GUCY2C: variants seen among roughly 807,000 people sequenced by gnomAD.
GUCY2C encodes guanylate cyclase 2C.
In GUCY2C, 118 loss-of-function variants were observed where a neutral mutation model predicts 131.1. That is an observed-to-expected ratio of 0.90 (90% confidence interval 0.78 to 1.05). GUCY2C has a LOEUF of 1.05. GUCY2C is among the 50% of genes least tolerant of loss of function. The pLI is 0.00. For missense variants in GUCY2C, 1,161 were observed against 1,304.4 expected, an observed-to-expected ratio of 0.89 and a Z score of 1.69; for synonymous variants, 452 against 457.8, an observed-to-expected ratio of 0.99 and a Z score of 0.16.
At position 14,613,938 on chromosome 12, in the gene GUCY2C, A is replaced by G. The variant is rs559472716; in HGVS notation, c.3048-647T>C. ...TTGAGTCACCTTTAGGAGAAGTGAAACCTGTCAGTTAACCCTGAAACTTTG... is the reference window on the plus strand; with the variant it reads ...TTGAGTCACCTTTAGGAGAAGTGAAGCCTGTCAGTTAACCCTGAAACTTTG... On this transcript the variant is annotated intron_variant, in intron 26 of 26. Transcript: ENST00000261170. This position sits in a 1 kb window ranked among gnomAD's most constrained non-coding sequence, Gnocchi z 4.9. Among the ~76,000 whole-genome samples the G allele has an allele frequency of 1.3e-5, 2 of 152,134 alleles. No individual in the cohort carries two copies. Among genetic ancestry groups the G allele is most frequent in the Admixed American group, 6.5e-5 (1 of 15,268 alleles).
intron 11 of GUCY2C, among the ~76,000 whole-genome samples, chr12:14,658,296 T>A (rs1371800825): frequency 6.6e-6 from 1 of 152,236 alleles, no homozygotes; most frequent in East Asian, 1.9e-4. Flanking sequence ...AGTTTTGATT[T>A]TATTATCGTC....
At chr12:14,684,249 C>G (rs1948412866) in intron 3 of GUCY2C, among the ~76,000 whole-genome samples, 1 of 152,142 alleles carries the variant, frequency 6.6e-6, no homozygotes, top group Admixed American at 6.5e-5. Context: ...AGTCTTATCT[C>G]TATTATTCCC....
At chr12:14,675,378 A>C (rs897388951) in intron 7 of GUCY2C, among the ~76,000 whole-genome samples, 3 of 152,158 alleles carry the variant, frequency 2.0e-5, no homozygotes, top group Non-Finnish European at 2.9e-5. Context: ...TGAAAAACAT[A>C]CAAATGCAAC....
In GUCY2C at chr12:14,645,256, C is replaced by G. The variant is rs747677225; in HGVS notation, c.1770G>C (p.Lys590Asn). 3 of 1,589,902 alleles carry G rather than the reference C, an allele frequency of 1.9e-6. No individual in the cohort carries two copies. ...TAGCAATGTCATACAAGACAGAGAT[C>G]TTAAACTCCCAATCCATGAATGTGC... Reference protein sequence around the residue: ...PDGTFMDWEFKISVLYDIAKG... With the variant: ...PDGTFMDWEFNISVLYDIAKG... Residue 590 changes from lysine to asparagine, a missense_variant, in exon 16 of 27, where the codon AAG (lysine) becomes AAC (asparagine). By Grantham distance (94) the Lys-to-Asn change is moderately conservative. Coordinates refer to ENST00000261170, the MANE Select transcript of GUCY2C (RefSeq NM_004963.4).
rs575699092 is a variant in GUCY2C, at chr12:14,631,672, A to T, written c.2158-2935T>A. On this transcript the variant is annotated intron_variant, in intron 19 of 26. Coordinates refer to ENST00000261170, the MANE Select transcript of GUCY2C (RefSeq NM_004963.4). ...TGGTTCCAAGTCTTTGCTATTGTGA[A>T]TAGTGCCGCAATAAACATACGTGTG... Among the ~76,000 whole-genome samples the T allele has an allele frequency of 4.5e-3, 667 of 146,654 alleles. 6 individuals are homozygous for T. The highest frequency in any genetic ancestry group is 0.016 in the African/African-American group (631 of 39,914).
rs530015493 is a variant in GUCY2C, at chr12:14,614,603, A to G, written c.3047+264T>C. The G allele has an allele frequency of 1.5e-3, 600 of 400,426 alleles. 5 individuals carry two copies. Among genetic ancestry groups the G allele is most frequent in the African/African-American group, 0.011 (536 of 46,946 alleles). The allele number at this position is 400,426 out of a possible 1,614,324, so 24.8% of individuals were successfully genotyped here. Reference sequence around the variant, plus strand: ...TATACTGAGCCCCCACATCTGATTCAGGGAAGCAAGTCTGTGTTCCAGACA... The same window carrying G: ...TATACTGAGCCCCCACATCTGATTCGGGGAAGCAAGTCTGTGTTCCAGACA... On this transcript the variant is annotated intron_variant, in intron 26 of 26. Transcript: ENST00000261170.
chr12:14,674,490 T>G (rs745864212), intron 8 of GUCY2C, 135 bp downstream of exon 8: 4 of 825,250 alleles, frequency 4.8e-6, no homozygotes. Context: ...TATGTAATGA[T>G]GTTTGCATCC....
intron 17 of GUCY2C, among the ~76,000 whole-genome samples, chr12:14,641,797 C>T (rs966195739): frequency 9.2e-5 from 14 of 151,942 alleles, no homozygotes; most frequent in South Asian, 4.2e-4. Flanking sequence ...ATTAGCCAGG[C>T]GTGGTGGTGG....
intron 1 of GUCY2C, among the ~76,000 whole-genome samples, chr12:14,691,663 GA>G (rs1948576409): frequency 6.6e-6 from 1 of 152,108 alleles, no homozygotes; most frequent in Non-Finnish European, 1.5e-5. Flanking sequence ...GAGGGACAGT[GA>G]AAATGACACT....
chr12:14,647,460 C>T (rs933654749), intron 15 of GUCY2C, among the ~76,000 whole-genome samples: 4 of 152,072 alleles, frequency 2.6e-5, no homozygotes, highest in African/African-American at 9.7e-5. Flanking sequence ...GTCGGTAAAT[C>T]GGCTCTCTGT....
chr12:14,614,861 G>A lies in GUCY2C; in HGVS notation c.3047+6C>T, dbSNP rs374138381. On this transcript the variant is annotated splice_donor_region_variant and intron_variant, in intron 26 of 26. Transcript: ENST00000261170. The stretch of plus-strand genomic sequence containing the variant: ...CTCCCTGTCCCTGCCACACCCAGAA[G>A]CTTACACAGTAGGAGGGGTTGGCAG... The A allele has an allele frequency of 1.3e-6, 2 of 1,562,202 alleles. No homozygotes were observed. The highest frequency in any genetic ancestry group is 1.4e-5 in the African/African-American group (1 of 72,414).
intron 19 of GUCY2C, among the ~76,000 whole-genome samples, chr12:14,630,880 T>A (rs1403366147): frequency 6.6e-6 from 1 of 152,274 alleles, no homozygotes; most frequent in Non-Finnish European, 1.5e-5. Flanking sequence ...TTTTAGTGAA[T>A]AAGGTTTTAA....
At chr12:14,633,413 A>G (rs986747776) in intron 19 of GUCY2C, among the ~76,000 whole-genome samples, 1 of 152,196 alleles carries the variant, frequency 6.6e-6, no homozygotes, top group Non-Finnish European at 1.5e-5. Flanking sequence ...TCAGGAAAAA[A>G]GTCCTCCCCT....
intron 17 of GUCY2C, among the ~76,000 whole-genome samples, chr12:14,641,962 G>C (rs1044515808): frequency 6.6e-6 from 1 of 151,666 alleles, no homozygotes; most frequent in African/African-American, 2.4e-5. Context: ...AATTTTATGT[G>C]TACTAAATTT....
intron 6 of GUCY2C, among the ~76,000 whole-genome samples, chr12:14,677,344 A>G (rs1948255977): frequency 6.6e-6 from 1 of 152,190 alleles, no homozygotes; most frequent in Non-Finnish European, 1.5e-5. Flanking sequence ...GACATGGTAG[A>G]GAGAAATTTT....
chr12:14,624,095 A>T (rs1274758832), intron 21 of GUCY2C, among the ~76,000 whole-genome samples: 2 of 152,186 alleles, frequency 1.3e-5, no homozygotes, highest in African/African-American at 4.8e-5. Flanking sequence ...GTTGTTGCTG[A>T]CATAGATAAA....
intron 21 of GUCY2C, among the ~76,000 whole-genome samples, chr12:14,623,277 G>A (rs1050484344): frequency 2.0e-5 from 3 of 152,148 alleles, no homozygotes; most frequent in African/African-American, 7.2e-5. Flanking sequence ...GGGAAGATTT[G>A]GAGGTATGCT....
At position 14,683,118 on chromosome 12, in the gene GUCY2C, C is replaced by T. The variant is rs192356391; in HGVS notation, c.535G>A (p.Asp179Asn). The change falls in exon 4 of 27, where the codon GAT becomes AAT. Residue 179 changes from aspartate to asparagine, a missense_variant. Asp to Asn is a conservative substitution (Grantham distance 23). Transcript: ENST00000261170. The part of the protein sequence containing the change: ...YFLVNFWKTN[D>N]LPFKTYSWST... Reference sequence around the variant, plus strand: ...CAGGAATAAGTTTTGAAGGGCAGATCGTTGGTTTTCCAAAAGTTAACCAAG... The same window carrying T: ...CAGGAATAAGTTTTGAAGGGCAGATTGTTGGTTTTCCAAAAGTTAACCAAG... 1.5e-5 allele frequency: 25 copies of T among 1,613,448 alleles called. 1 individual carries two copies. The highest frequency in any genetic ancestry group is 1.1e-4 in the East Asian group (5 of 44,856).
chr12:14,626,761 T>C (rs1037879683), intron 20 of GUCY2C, among the ~76,000 whole-genome samples: 3 of 152,186 alleles, frequency 2.0e-5, no homozygotes, highest in Non-Finnish European at 2.9e-5. Flanking sequence ...AAAAAGTCAG[T>C]TTATAAAATA....
Sources: allele counts gnomAD v4.1 joint callset (sites outside exome capture counted in the v4.1 genomes callset), GRCh38; gene constraint gnomAD v4.1.1; non-coding constraint Gnocchi (gnomAD v3.1); transcripts MANE v1.5; gene names NCBI Gene and HGNC (gene_info 2026-07-23, HGNC 2026-07-21).